RASA3: variants seen among roughly 807,000 people sequenced by gnomAD.
RASA3 encodes the protein ras GTPase-activating protein 3.
RASA3 carries 73 observed loss-of-function variants against 110.0 expected under a neutral mutation model. That is an observed-to-expected ratio of 0.66 (90% CI 0.55 to 0.81). The LOEUF is 0.81. Among genes scored for constraint, RASA3 ranks in the 30% least tolerant of loss-of-function variants. RASA3 has a pLI of 0.00. For synonymous variants in RASA3, 500 were observed against 451.4 expected, an observed-to-expected ratio of 1.11 and a Z score of -1.37; for missense variants, 976 against 1,113.2, an observed-to-expected ratio of 0.88 and a Z score of 1.75.
At chr13:114,024,195 C>T in intron 8 of RASA3, 84 bp downstream of exon 8, 1 of 1,259,738 alleles carries the variant, frequency 7.9e-7, no homozygotes, top group South Asian at 1.2e-5. Context: ...ATCTATGACC[C>T]TATATTTAGT....
rs1209509982 is a variant in RASA3 at position 113,979,489 on chromosome 13, G to C, written c.2430-67C>G. The C allele has an allele frequency of 2.3e-6, 3 of 1,318,198 alleles. No homozygotes were observed. In the South Asian group the frequency reaches 3.5e-5, roughly 15 times the overall value. 81.7% of individuals were successfully genotyped at this position (1,318,198 alleles called of 1,614,324 possible). On this transcript the variant is annotated intron_variant, in intron 23 of 23. Transcript: ENST00000334062. The stretch of plus-strand genomic sequence containing the variant: ...TTGCCTGGTGCTCACCCGTGGCTGC[G>C]GGAGCTTTTCCTGTTCCTAAATGTG...
At position 114,048,738 on chromosome 13, in the gene RASA3, G is replaced by C. The variant is rs762331967; in HGVS notation, c.277+3314C>G. Reference sequence around the variant, plus strand: ...CCCGGCTTGACTGACAGTTCCCGCCGGCAGCAGCGCTCTGTGGGCCATGGA... The same window carrying C: ...CCCGGCTTGACTGACAGTTCCCGCCCGCAGCAGCGCTCTGTGGGCCATGGA... On this transcript the variant is annotated intron_variant, in intron 3 of 23. Transcript: ENST00000334062. This position sits in a 1 kb window ranked among gnomAD's most constrained non-coding sequence, Gnocchi z 4.3. 2.0e-5 allele frequency among the ~76,000 whole-genome samples: 3 copies of C among 152,178 alleles called. No individual in the cohort carries two copies. Among genetic ancestry groups the C allele is most frequent in the Non-Finnish European group, 2.9e-5 (2 of 68,030 alleles).
intron 4 of RASA3, among the ~76,000 whole-genome samples, chr13:114,031,000 GCTGTGTGTCTGC>G (rs1344773321): frequency 1.4e-5 from 2 of 146,612 alleles, no homozygotes; most frequent in Non-Finnish European, 3.0e-5. Context: ...TGTGTGTGCG[GCTGTGTGTCTGC>G]CTGTGTGCGT....
intron 18 of RASA3, among the ~76,000 whole-genome samples, chr13:114,004,385 A>T (rs936419947): frequency 2.0e-5 from 3 of 151,808 alleles, no homozygotes; most frequent in African/African-American, 7.3e-5. Flanking sequence ...AATAAAAATT[A>T]AAAAAAAATT....
chr13:114,041,454 G>A (rs1045599788), intron 3 of RASA3, among the ~76,000 whole-genome samples: 1 of 152,270 alleles, frequency 6.6e-6, no homozygotes, highest in African/African-American at 2.4e-5. Context: ...AGGCTTCGCT[G>A]TGAAGGCGCG....
chr13:113,980,913 A>G (rs2052919285), intron 23 of RASA3, among the ~76,000 whole-genome samples: 2 of 152,310 alleles, frequency 1.3e-5, no homozygotes, highest in South Asian at 4.1e-4. Flanking sequence ...AGGGAGGACC[A>G]AAGAGAGGAG....
intron 1 of RASA3, among the ~76,000 whole-genome samples, chr13:114,110,362 A>G (rs1223799564): frequency 6.6e-6 from 1 of 152,214 alleles, no homozygotes; most frequent in African/African-American, 2.4e-5. Flanking sequence ...AAAATTATCA[A>G]AAGGATAACA....
At chr13:114,088,510 C>A (rs1022747392) in intron 1 of RASA3, among the ~76,000 whole-genome samples, 2 of 152,046 alleles carry the variant, frequency 1.3e-5, no homozygotes, top group Non-Finnish European at 2.9e-5. Flanking sequence ...GAAGGCCATA[C>A]TTGATGGATT....
At chr13:114,043,846 C>G (rs1320987022) in intron 3 of RASA3, among the ~76,000 whole-genome samples, 2 of 65,708 alleles carry the variant, frequency 3.0e-5, no homozygotes, top group African/African-American at 1.6e-4. Context: ...AGCCCCCCGC[C>G]CCGCCTCACT....
At chr13:114,025,490 C>T (rs898291331) in intron 7 of RASA3, among the ~76,000 whole-genome samples, 1 of 150,052 alleles carries the variant, frequency 6.7e-6, no homozygotes, top group Non-Finnish European at 1.5e-5. Flanking sequence ...GCCCCCAGTG[C>T]CCCTGCCTCA....
At position 114,051,918 on chromosome 13, in the gene RASA3, C is replaced by A. The variant is rs565337109; in HGVS notation, c.277+134G>T. ...TCCCAAGAGCAGATCAGGAGGAACA[C>A]CCAGGGCTGCTGTGACCTCAAGCCC... On this transcript the variant is annotated intron_variant, in intron 3 of 23. Coordinates refer to ENST00000334062, the MANE Select transcript of RASA3 (RefSeq NM_007368.4). 8.5e-5 allele frequency: 54 copies of A among 635,362 alleles called. 1 individual carries two copies. The East Asian group carries it at 1.3e-3, about 16-fold the overall frequency. The allele number at this position is 635,362 out of a possible 1,614,324, so 39.4% of individuals were successfully genotyped here. A position where few individuals can be genotyped will look rare whatever the true frequency, so the allele number is the denominator to read the frequency against.
chr13:114,016,138 A>G, intron 13 of RASA3, 59 bp downstream of exon 13: 1 of 1,446,970 alleles, frequency 6.9e-7, no homozygotes. Flanking sequence ...CCAGGCAGCC[A>G]TCGGCTGAAA....
At chr13:113,984,456 C>T (rs2053005363) in intron 22 of RASA3, among the ~76,000 whole-genome samples, 1 of 67,018 alleles carries the variant, frequency 1.5e-5, no homozygotes, top group Non-Finnish European at 3.5e-5. Flanking sequence ...TCCATCCACC[C>T]ATCACTCACC....
chr13:114,017,968 A>T (rs7986543), intron 11 of RASA3, 136 bp downstream of exon 11: 1 of 1,022,208 alleles, frequency 9.8e-7, no homozygotes, highest in Non-Finnish European at 1.3e-6. Flanking sequence ...GTGAAAGAAA[A>T]CCTGAATCAA....
At chr13:114,124,803 C>T (rs971440505) in intron 1 of RASA3, among the ~76,000 whole-genome samples, 2 of 152,250 alleles carry the variant, frequency 1.3e-5, no homozygotes, top group African/African-American at 4.8e-5. Flanking sequence ...CTTTCTCGGC[C>T]TTGGCGTCCT....
At chr13:114,021,958 G>A (rs970904473) in intron 8 of RASA3, among the ~76,000 whole-genome samples, 2 of 152,270 alleles carry the variant, frequency 1.3e-5, no homozygotes, top group African/African-American at 4.8e-5. Flanking sequence ...TGTGCACCCA[G>A]GAGCTATGTG....
intron 2 of RASA3, among the ~76,000 whole-genome samples, 191 bp downstream of exon 2, chr13:114,073,529 C>CGTTCTCCACACATGGGAAAATGGGAA (rs2079614085): frequency 6.7e-6 from 1 of 148,446 alleles, no homozygotes; most frequent in African/African-American, 2.5e-5. Context: ...GAAAACGGGA[C>CGTTCTCCACACATGGGAAAATGGGAA]GGTGACGTAC....
chr13:114,043,736 G>C (rs1176418719), intron 3 of RASA3, among the ~76,000 whole-genome samples: 3 of 152,054 alleles, frequency 2.0e-5, no homozygotes, highest in Admixed American at 2.0e-4. Flanking sequence ...GAGAAATCCA[G>C]TGACACACCA....
intron 1 of RASA3, among the ~76,000 whole-genome samples, chr13:114,075,271 C>T (rs1179960736): frequency 6.6e-6 from 1 of 152,230 alleles, no homozygotes; most frequent in Non-Finnish European, 1.5e-5. Context: ...GCGCACACGT[C>T]ATGGCTCACA....
Sources: allele counts gnomAD v4.1 joint callset (sites outside exome capture counted in the v4.1 genomes callset), GRCh38; gene constraint gnomAD v4.1.1; non-coding constraint Gnocchi (gnomAD v3.1); transcripts MANE v1.5; gene names NCBI Gene and HGNC (gene_info 2026-07-23, HGNC 2026-07-21).